TRIM9: variants seen among roughly 807,000 people sequenced by gnomAD.
The protein encoded by TRIM9 is tripartite motif containing 9.
Under a neutral mutation model 78.3 loss-of-function variants are expected in TRIM9, and 26 were observed. That is an observed-to-expected ratio of 0.33 (90% confidence interval 0.24 to 0.46). The LOEUF (loss-of-function observed/expected upper bound fraction) is 0.46, where lower values mean the gene tolerates loss of function less well. TRIM9 is among the 20% of genes least tolerant of loss of function. TRIM9 has a pLI of 1.00. For synonymous variants in TRIM9, 398 were observed against 416.5 expected (o/e 0.96, Z 0.54); for missense variants, 787 against 1,036.4 (o/e 0.76, Z 3.30).
chr14:50,983,180 AAAGT>A (rs1349675938), intron 9 of TRIM9, among the ~76,000 whole-genome samples, 196 bp downstream of exon 9: 2 of 152,244 alleles, frequency 1.3e-5, no homozygotes, highest in African/African-American at 4.8e-5. Context: ...AACTGGGGGA[AAAGT>A]AAGGTTTGAG....
chr14:51,056,010 A>G (rs908520044), intron 1 of TRIM9, among the ~76,000 whole-genome samples: 2 of 152,260 alleles, frequency 1.3e-5, no homozygotes, highest in Non-Finnish European at 2.9e-5. Context: ...ATCGGAATGT[A>G]TAAATTCAGA....
intron 1 of TRIM9, among the ~76,000 whole-genome samples, chr14:51,058,358 C>T (rs192278634): frequency 3.9e-5 from 6 of 152,292 alleles, no homozygotes; most frequent in East Asian, 1.9e-4. Flanking sequence ...CCTACTCTAA[C>T]GACATTCTTG....
chr14:50,988,003 G>A (rs1410258648), intron 7 of TRIM9, among the ~76,000 whole-genome samples: 1 of 152,076 alleles, frequency 6.6e-6, no homozygotes, highest in Non-Finnish European at 1.5e-5. Flanking sequence ...GTTTTGCCAT[G>A]TTGTCCAGGC....
intron 1 of TRIM9, among the ~76,000 whole-genome samples, chr14:51,092,582 G>A (rs2064461457): frequency 6.6e-6 from 1 of 152,166 alleles, no homozygotes. Flanking sequence ...ACTCAGTGAT[G>A]TAAAGAAAAG....
rs116012226 is a variant in TRIM9, at chr14:51,001,123, T to C, written c.1307-283A>G. ...AACTGTGTTCTCATCCCCTTGAACA[T>C]TGAAGACATTATCCCTAAAGGAAAT... On this transcript the variant is annotated intron_variant, in intron 5 of 12. Transcript: ENST00000684578. 8.3e-3 allele frequency among the ~76,000 whole-genome samples: 1,259 copies of C among 152,234 alleles called. 20 individuals are homozygous for C. Among genetic ancestry groups the C allele is most frequent in the African/African-American group, 0.029 (1,190 of 41,552 alleles).
At chr14:51,074,303 T>C (rs2062563883) in intron 1 of TRIM9, among the ~76,000 whole-genome samples, 1 of 151,826 alleles carries the variant, frequency 6.6e-6, no homozygotes, top group African/African-American at 2.4e-5. Flanking sequence ...ATAAAAACAA[T>C]GAAAATAACA....
At chr14:51,062,709 A>AAATCT (rs1255449784) in intron 1 of TRIM9, among the ~76,000 whole-genome samples, 4 of 152,208 alleles carry the variant, frequency 2.6e-5, no homozygotes, top group Non-Finnish European at 4.4e-5. Context: ...GGAATCCTTG[A>AAATCT]AATCTGTATT....
intron 7 of TRIM9, among the ~76,000 whole-genome samples, chr14:50,993,638 C>T (rs2053821573): frequency 6.6e-6 from 1 of 152,146 alleles, no homozygotes; most frequent in South Asian, 2.1e-4. Context: ...GTAGTAAAGT[C>T]CTCCTTCTGG....
At chr14:50,981,547 G>T (rs1465049693) in intron 11 of TRIM9, among the ~76,000 whole-genome samples, 1 of 152,306 alleles carries the variant, frequency 6.6e-6, no homozygotes, top group South Asian at 2.1e-4. Context: ...TATCCATTGG[G>T]ATTCTTAGTT....
chr14:51,026,470 C>T (rs1452437895), intron 1 of TRIM9, among the ~76,000 whole-genome samples: 1 of 152,046 alleles, frequency 6.6e-6, no homozygotes, highest in Non-Finnish European at 1.5e-5. Flanking sequence ...AAATTCCTTC[C>T]CCTCCTAGCA....
chr14:51,058,419 G>A (rs190069617), intron 1 of TRIM9, among the ~76,000 whole-genome samples: 69 of 152,334 alleles, frequency 4.5e-4, no homozygotes, highest in African/African-American at 1.3e-3. Context: ...CATTGATTCA[G>A]GTACTTGTGA....
At position 51,094,513 on chromosome 14, in the gene TRIM9, G is replaced by A. The variant is rs762640179; in HGVS notation, c.427C>T (p.Arg143Cys). The change falls in exon 1 of 13, where the codon CGC (arginine) becomes TGC (cysteine). Residue 143 changes from arginine to cysteine, a missense_variant. Physicochemically the swap from Arg to Cys is radical, Grantham distance 180. Coordinates refer to ENST00000684578, the MANE Select transcript of TRIM9 (RefSeq NM_001387360.1). Reference protein sequence around the residue: ...RSLILDDRGLRGFPKNRVLEG... With the variant: ...RSLILDDRGLCGFPKNRVLEG... ...AGTACGCGATTCTTGGGGAAGCCGCGGAGCCCCCGGTCATCCAGGATGAGG... is the reference window on the plus strand; with the variant it reads ...AGTACGCGATTCTTGGGGAAGCCGCAGAGCCCCCGGTCATCCAGGATGAGG... 1 of 1,613,612 alleles carries A rather than the reference G, an allele frequency of 6.2e-7. No individual in the cohort carries two copies. The highest frequency in any genetic ancestry group is 8.5e-7 in the Non-Finnish European group (1 of 1,179,922).
intron 7 of TRIM9, among the ~76,000 whole-genome samples, chr14:50,991,959 G>A (rs1275836806): frequency 6.6e-6 from 1 of 152,214 alleles, no homozygotes; most frequent in Non-Finnish European, 1.5e-5. Context: ...AAAAGGTAAA[G>A]CTTATGCCAC....
intron 1 of TRIM9, among the ~76,000 whole-genome samples, chr14:51,053,580 C>CTTT (rs1348456935): frequency 7.9e-4 from 59 of 74,776 alleles, no homozygotes; most frequent in Non-Finnish European, 9.6e-4. Flanking sequence ...TTTTAATTTT[C>CTTT]TTTTTTTTTT....
chr14:51,022,990 C>T (rs1351381741), intron 2 of TRIM9, 33 bp from the exon 3 acceptor site: 1 of 1,611,296 alleles, frequency 6.2e-7, no homozygotes, highest in South Asian at 1.1e-5. Flanking sequence ...CAACTGCAAG[C>T]TGCTGGGTGC....
At chr14:51,030,982 A>G (rs1399627213) in intron 1 of TRIM9, among the ~76,000 whole-genome samples, 2 of 151,942 alleles carry the variant, frequency 1.3e-5, no homozygotes, top group South Asian at 2.1e-4. Context: ...CCTTGTCTCT[A>G]CTGAAAATAC....
intron 7 of TRIM9, chr14:50,997,660 T>G: frequency 9.2e-7 from 1 of 1,091,354 alleles, no homozygotes; most frequent in Non-Finnish European, 1.1e-6. Context: ...CAGAGTAATT[T>G]AGAATCATCT....
chr14:50,989,893 G>A lies in TRIM9; in HGVS notation c.1604-3749C>T, dbSNP rs1331249299. 2.0e-5 allele frequency among the ~76,000 whole-genome samples: 3 copies of A among 152,182 alleles called. 1 individual carries two copies. Reference sequence around the variant, plus strand: ...GAGTTAGGGTCTAGATAAGGGCAGAGACCTCTGCTTAAAAAAAGCAATCAA... The same window carrying A: ...GAGTTAGGGTCTAGATAAGGGCAGAAACCTCTGCTTAAAAAAAGCAATCAA... On this transcript the variant is annotated intron_variant, in intron 7 of 12. Transcript: ENST00000684578.
In TRIM9 at chr14:51,006,166, G is replaced by T. The variant is rs147456469; in HGVS notation, c.1306+2914C>A. On this transcript the variant is annotated intron_variant, in intron 5 of 12. Transcript: ENST00000684578. ...TTAAATGCATACTTTAAGTAAATTT[G>T]AAAATATTTTAACTTCCTCCTGTAA... Among the ~76,000 whole-genome samples the T allele has an allele frequency of 3.0e-3, 456 of 152,246 alleles. 2 individuals carry two copies. Among genetic ancestry groups the T allele is most frequent in the African/African-American group, 0.01 (431 of 41,536 alleles).
Sources: allele counts gnomAD v4.1 joint callset (sites outside exome capture counted in the v4.1 genomes callset), GRCh38; gene constraint gnomAD v4.1.1; transcripts MANE v1.5; gene names NCBI Gene and HGNC (gene_info 2026-07-23, HGNC 2026-07-21).